APC: variants seen among roughly 807,000 people sequenced by gnomAD.
APC encodes adenomatous polyposis coli protein.
In APC, 72 loss-of-function variants were observed where a neutral mutation model predicts 247.0. The ratio of observed to expected loss-of-function variants is 0.29; its 90% confidence interval spans 0.24 to 0.35. The LOEUF is 0.35. Ranked by LOEUF, APC falls within the 10% of genes least tolerant of loss-of-function variation. The pLI is 1.00. For synonymous variants in APC, 1,254 were observed against 1,162.5 expected, an observed-to-expected ratio of 1.08 and a Z score of -1.60; for missense variants, 3,400 against 3,360.7, an observed-to-expected ratio of 1.01 and a Z score of -0.29.
chr5:112,768,285 C>A (rs1561466617), intron 4 of APC, among the ~76,000 whole-genome samples: 1 of 151,102 alleles, frequency 6.6e-6, no homozygotes, highest in African/African-American at 2.4e-5. Flanking sequence ...TTAGGTGATT[C>A]CCCCCTGCCT....
chr5:112,815,455 T>G (rs2149761871), intron 8 of APC, 40 bp from the exon 9 acceptor site: 1 of 1,423,252 alleles, frequency 7.0e-7, no homozygotes, highest in Non-Finnish European at 9.9e-7. Flanking sequence ...TATTTACCTA[T>G]AGTCTAAATT....
At chr5:112,779,477 G>T (rs1249995191) in intron 5 of APC, among the ~76,000 whole-genome samples, 1 of 152,046 alleles carries the variant, frequency 6.6e-6, no homozygotes, top group African/African-American at 2.4e-5. Flanking sequence ...ACATTATCAG[G>T]CACCATTGGC....
chr5:112,792,562 A>G, intron 7 of APC, 33 bp downstream of exon 7: 1 of 1,448,738 alleles, frequency 6.9e-7, no homozygotes, highest in East Asian at 2.3e-5. Context: ...TTGTGGGTAT[A>G]AAAATAGGTA....
rs78686493 is a variant in APC, at chr5:112,726,699, C to T, written c.165+18817C>T. On this transcript the variant is annotated intron_variant, in intron 1 of 13. Coordinates refer to the APC transcript ENST00000507379. ...ACCCAGTATTTCCCTGTTTCCTGTC[C>T]GTATCATGTTGAGAGGGTATTTGAA... Among the ~76,000 whole-genome samples, 591 of 152,072 alleles carry T rather than the reference C, an allele frequency of 3.9e-3. 5 individuals are homozygous for T. The highest frequency in any genetic ancestry group is 0.014 in the African/African-American group (563 of 41,458).
chr5:112,709,638 G>A (rs1346332914), intron 1 of APC, among the ~76,000 whole-genome samples: 4 of 152,188 alleles, frequency 2.6e-5, no homozygotes, highest in Non-Finnish European at 4.4e-5. Flanking sequence ...GGTGGCTCAT[G>A]CCTGTAATTC....
chr5:112,740,305 TC>T, intron 1 of APC, among the ~76,000 whole-genome samples: 1 of 152,300 alleles, frequency 6.6e-6, no homozygotes, highest in South Asian at 2.1e-4. Flanking sequence ...GAGATGTTTT[TC>T]TGAATTAAAT....
intron 1 of APC, among the ~76,000 whole-genome samples, chr5:112,712,134 G>T (rs1367039230): frequency 3.3e-5 from 5 of 152,206 alleles, no homozygotes; most frequent in Non-Finnish European, 7.3e-5. Context: ...ATACGGGGAA[G>T]GGGTGGATCC....
chr5:112,793,825 T>C (rs1759910987), intron 7 of APC, among the ~76,000 whole-genome samples: 1 of 152,052 alleles, frequency 6.6e-6, no homozygotes, highest in Admixed American at 6.6e-5. Context: ...ATAAGAATAA[T>C]CCTACACTAA....
At chr5:112,772,019 A>G (rs973242216) in intron 4 of APC, among the ~76,000 whole-genome samples, 7 of 152,198 alleles carry the variant, frequency 4.6e-5, no homozygotes, top group Non-Finnish European at 7.3e-5. Context: ...CCTTAGCACT[A>G]TGCCCAGTAC....
At chr5:112,779,554 T>G (rs1390020520) in intron 5 of APC, among the ~76,000 whole-genome samples, 1 of 152,226 alleles carries the variant, frequency 6.6e-6, no homozygotes, top group Non-Finnish European at 1.5e-5. Flanking sequence ...ATTTTGCATT[T>G]ATGTTGGGAA....
At chr5:112,729,650 G>A (rs1360206206) in intron 1 of APC, among the ~76,000 whole-genome samples, 1 of 152,188 alleles carries the variant, frequency 6.6e-6, no homozygotes, top group African/African-American at 2.4e-5. Flanking sequence ...ACAGTTTGAA[G>A]TTTTTAAGGG....
intron 8 of APC, chr5:112,810,079 C>T (rs566664771): frequency 1.3e-4 from 59 of 452,864 alleles, no homozygotes; most frequent in African/African-American, 1.1e-3. Context: ...AGATCGTTAA[C>T]TGATACAGAC....
chr5:112,769,039 T>C (rs1756706353), intron 4 of APC, among the ~76,000 whole-genome samples: 1 of 141,726 alleles, frequency 7.1e-6, no homozygotes, highest in Admixed American at 7.7e-5. Flanking sequence ...TAAATTTTTC[T>C]TTTTTTTCTT....
At chr5:112,788,258 C>T (rs567045808) in intron 6 of APC, among the ~76,000 whole-genome samples, 21 of 152,202 alleles carry the variant, frequency 1.4e-4, no homozygotes, top group Middle Eastern at 3.4e-3. Context: ...TAGTATTCTG[C>T]CTTATTACTC....
chr5:112,784,231 C>G (rs1758698369), intron 6 of APC, among the ~76,000 whole-genome samples: 1 of 152,052 alleles, frequency 6.6e-6, no homozygotes, highest in Admixed American at 6.6e-5. Context: ...CCACGCCCAG[C>G]TAATTTTTGT....
At chr5:112,745,867 A>G (rs1462674784) in intron 1 of APC, among the ~76,000 whole-genome samples, 11 of 152,176 alleles carry the variant, frequency 7.2e-5, no homozygotes, top group Admixed American at 7.2e-4. Context: ...ACTTTAAATA[A>G]CTATTAAAAA....
intron 1 of APC, among the ~76,000 whole-genome samples, chr5:112,721,370 C>T (rs374020166): frequency 4.9e-4 from 75 of 152,044 alleles, no homozygotes; most frequent in Middle Eastern, 3.4e-3. Flanking sequence ...GCAGAGATTG[C>T]GCCACTACAC....
intron 8 of APC, among the ~76,000 whole-genome samples, chr5:112,805,095 A>G (rs1418792631): frequency 1.3e-5 from 2 of 151,014 alleles, no homozygotes; most frequent in Non-Finnish European, 2.9e-5. Flanking sequence ...GTGTGGGAGA[A>G]TGTTCTTTAA....
intron 8 of APC, among the ~76,000 whole-genome samples, chr5:112,806,024 C>T (rs975861444): frequency 6.6e-6 from 1 of 152,206 alleles, no homozygotes; most frequent in Non-Finnish European, 1.5e-5. Flanking sequence ...GGCCTTCTCT[C>T]AGTACCTCAT....
Sources: gnomAD v4.1 joint callset for allele counts (sites outside exome capture counted in the v4.1 genomes callset) on GRCh38, gnomAD v4.1.1 for gene constraint, MANE v1.5 for transcripts, NCBI Gene and HGNC (gene_info 2026-07-23, HGNC 2026-07-21) for gene names.